CD48: variants seen among roughly 807,000 people sequenced by gnomAD.
CD48 encodes the protein CD48 antigen.
In CD48, 20 loss-of-function variants were observed where a neutral mutation model predicts 22.0. The observed-to-expected ratio is 0.91, with a 90% confidence interval of 0.64 to 1.32. The LOEUF (loss-of-function observed/expected upper bound fraction) is 1.32. CD48 is among the 40% of genes most tolerant of loss of function. CD48 has a pLI of 0.00. For missense variants in CD48, 307 were observed against 286.5 expected (o/e 1.07, Z -0.52); for synonymous variants, 110 against 110.1 (o/e 1.00, Z 0.01).
chr1:160,710,788 C>G (rs551558575), intron 1 of CD48, among the ~76,000 whole-genome samples: 1 of 152,280 alleles, frequency 6.6e-6, no homozygotes, highest in South Asian at 2.1e-4. Context: ...CACATTCTAC[C>G]TCATCTCCCC....
chr1:160,708,478 T>C (rs1419181821), intron 1 of CD48, among the ~76,000 whole-genome samples: 7 of 152,052 alleles, frequency 4.6e-5, no homozygotes, highest in African/African-American at 1.4e-4. Flanking sequence ...TTGTGGAAAT[T>C]GGTGATAAGA....
intron 1 of CD48, among the ~76,000 whole-genome samples, chr1:160,701,749 T>A (rs1173918959): frequency 1.3e-5 from 2 of 152,152 alleles, no homozygotes; most frequent in Admixed American, 6.5e-5. Flanking sequence ...CAAAGCAAGA[T>A]AAATGTGCTC....
At chr1:160,687,711 T>A (rs1180450188) in intron 1 of CD48, among the ~76,000 whole-genome samples, 1 of 152,172 alleles carries the variant, frequency 6.6e-6, no homozygotes, top group African/African-American at 2.4e-5. Context: ...CTTTGAGTGG[T>A]CTGGGACACT....
chr1:160,694,072 T>C lies in CD48; in HGVS notation c.83-8883A>G, dbSNP rs1662321680. Among the ~76,000 whole-genome samples the C allele has an allele frequency of 2.6e-5, 4 of 152,342 alleles. No individual in the cohort carries two copies. In the South Asian group the frequency reaches 6.2e-4, roughly 24 times the overall value. ...TAGGACTAATCTTGGGAAGATCACG[T>C]CTAAATCTAAAAGGAGTTCAAATTC... is the stretch of plus-strand genomic sequence containing the variant. On this transcript the variant is annotated intron_variant, in intron 1 of 3. Transcript: ENST00000368046.
At chr1:160,705,760 T>C (rs78009106) in intron 1 of CD48, among the ~76,000 whole-genome samples, 1 of 152,194 alleles carries the variant, frequency 6.6e-6, no homozygotes, top group South Asian at 2.1e-4. Flanking sequence ...AGTCTTGACA[T>C]TATTGACATT....
chr1:160,711,208 C>T (rs1662935321), intron 1 of CD48, among the ~76,000 whole-genome samples: 1 of 152,126 alleles, frequency 6.6e-6, no homozygotes, highest in Non-Finnish European at 1.5e-5. Context: ...GCTTTTCTTC[C>T]TATAATTTTG....
rs752992386 is a variant in CD48, at chr1:160,679,046, C to T, written c.*6G>A. The T allele has an allele frequency of 5.0e-6, 8 of 1,610,678 alleles. No individual in the cohort carries two copies. Among genetic ancestry groups the T allele is most frequent in the East Asian group, 2.2e-5 (1 of 44,892 alleles). On this transcript the variant is annotated 3_prime_UTR_variant, in exon 4 of 4. Coordinates refer to ENST00000368046, the MANE Select transcript of CD48 (RefSeq NM_001778.4). ...TGAAGTTTCGCTTGAGTTAAAAGAG[C>T]TCATCTCAGGTAAGTAACAGGCCAA...
intron 1 of CD48, among the ~76,000 whole-genome samples, chr1:160,703,118 G>T (rs1158163459): frequency 6.6e-6 from 1 of 152,156 alleles, no homozygotes; most frequent in East Asian, 1.9e-4. Flanking sequence ...AACTATCGGA[G>T]CCTGTGAGCT....
chr1:160,706,381 GTATAT>G (rs1446156712), intron 1 of CD48, among the ~76,000 whole-genome samples: 3 of 152,120 alleles, frequency 2.0e-5, no homozygotes, highest in Admixed American at 6.5e-5. Flanking sequence ...GCCAATTTCA[GTATAT>G]TATGAGTGCT....
At chr1:160,692,648 G>C (rs1208187002) in intron 1 of CD48, among the ~76,000 whole-genome samples, 1 of 152,074 alleles carries the variant, frequency 6.6e-6, no homozygotes, top group Non-Finnish European at 1.5e-5. Context: ...CAATCCTATG[G>C]CACCACCTAG....
In CD48 at chr1:160,685,105, A is replaced by AGTT. The variant is rs746290378; in HGVS notation, c.164_166dup (p.Gln55dup). On this transcript the variant is annotated inframe_insertion, in exon 2 of 4. Coordinates refer to ENST00000368046, the MANE Select transcript of CD48 (RefSeq NM_001778.4). Reference sequence around the variant, plus strand: ...CTGGTCGAAAGTATAAAACCAGGTTAGTTGTTTGTAGTTCTCAGGCAGGCT... The same window carrying AGTT: ...CTGGTCGAAAGTATAAAACCAGGTTAGTTGTTGTTTGTAGTTCTCAGGCAGGCT... The AGTT allele has an allele frequency of 2.3e-5, 37 of 1,613,930 alleles. No homozygotes were observed. The highest frequency in any genetic ancestry group is 1.3e-4 in the Admixed American group (8 of 60,012).
At chr1:160,682,310 G>GAAAAT (rs1661837952) in intron 2 of CD48, among the ~76,000 whole-genome samples, 1 of 150,548 alleles carries the variant, frequency 6.6e-6, no homozygotes, top group Non-Finnish European at 1.5e-5. Flanking sequence ...GAAAAGAAAA[G>GAAAAT]AAAAGTAGCC....
intron 1 of CD48, among the ~76,000 whole-genome samples, chr1:160,701,185 T>C (rs201993142): frequency 5.5e-5 from 7 of 126,810 alleles, no homozygotes; most frequent in African/African-American, 2.0e-4. Context: ...TAAAAAAAAA[T>C]CTTTAAGATC....
chr1:160,691,506 G>T (rs1339328772), intron 1 of CD48, among the ~76,000 whole-genome samples: 1 of 152,118 alleles, frequency 6.6e-6, no homozygotes, highest in Non-Finnish European at 1.5e-5. Flanking sequence ...GTGTTTGTCT[G>T]CTCACCCTCT....
Position 160,689,814 on chromosome 1 carries a change from G to A in CD48, c.83-4625C>T, listed in dbSNP as rs1166077212. On this transcript the variant is annotated intron_variant, in intron 1 of 3. Transcript: ENST00000368046. The stretch of plus-strand genomic sequence containing the variant: ...GACATGGGATTGATGATCTCCTGGT[G>A]AAACACAAGCATATCCTCTTCCCTA... Among the ~76,000 whole-genome samples, 8 of 152,276 alleles carry A rather than the reference G, an allele frequency of 5.3e-5. 1 individual carries two copies. The East Asian group carries it at 5.8e-4, about 11-fold the overall frequency.
At chr1:160,690,352 A>G (rs1162970733) in intron 1 of CD48, among the ~76,000 whole-genome samples, 1 of 152,208 alleles carries the variant, frequency 6.6e-6, no homozygotes, top group Admixed American at 6.5e-5. Flanking sequence ...CTGCCAAAGG[A>G]GCTAACATGA....
intron 3 of CD48, 159 bp downstream of exon 3, chr1:160,681,043 A>G (rs1388836990): frequency 2.3e-5 from 35 of 1,493,498 alleles, no homozygotes; most frequent in Non-Finnish European, 2.6e-5. Context: ...AGGTGGTGGT[A>G]GAGCTGGTGG....
At chr1:160,708,943 C>A (rs1235081333) in intron 1 of CD48, among the ~76,000 whole-genome samples, 1 of 152,158 alleles carries the variant, frequency 6.6e-6, no homozygotes, top group African/African-American at 2.4e-5. Context: ...CTGAGTGGCA[C>A]TAGCCACCCA....
At chr1:160,697,469 C>T (rs1163572276) in intron 1 of CD48, among the ~76,000 whole-genome samples, 1 of 152,294 alleles carries the variant, frequency 6.6e-6, no homozygotes, top group African/African-American at 2.4e-5. Flanking sequence ...CATTGGGTAT[C>T]ATTATCCTCC....
Sources: gnomAD v4.1 joint callset for allele counts (sites outside exome capture counted in the v4.1 genomes callset) on GRCh38, gnomAD v4.1.1 for gene constraint, MANE v1.5 for transcripts, NCBI Gene and HGNC (gene_info 2026-07-23, HGNC 2026-07-21) for gene names.